Variants in SLC71A2 observed in about 807,000 individuals in gnomAD.
SLC71A2 encodes hippocampus abundant transcript-like 1.
chr9:94,416,540 T>A, the SLC71A2 span, among the ~76,000 whole-genome samples: 1 of 152,222 alleles, frequency 6.6e-6, no homozygotes, highest in African/African-American at 2.4e-5. Context: ...TTAAAGTTTT[T>A]AATTCTTCTG....
the SLC71A2 span, among the ~76,000 whole-genome samples, chr9:94,446,049 T>C: frequency 6.6e-6 from 1 of 152,186 alleles, no homozygotes; most frequent in Non-Finnish European, 1.5e-5. Flanking sequence ...TCAAAGCTCC[T>C]CTGTGAAGTA....
the SLC71A2 span, among the ~76,000 whole-genome samples, chr9:94,435,406 TC>T: frequency 6.6e-6 from 1 of 152,200 alleles, no homozygotes; most frequent in South Asian, 2.1e-4. Flanking sequence ...TCTTCACATA[TC>T]TCATCCATTC....
the SLC71A2 span, among the ~76,000 whole-genome samples, chr9:94,423,670 C>A: frequency 0.019 from 2,833 of 152,014 alleles, 73 homozygotes; most frequent in African/African-American, 0.065. Flanking sequence ...TAGATCATAA[C>A]TCTTATGAAA....
At chr9:94,378,140 G>A in the SLC71A2 span, among the ~76,000 whole-genome samples, 5 of 139,144 alleles carry the variant, frequency 3.6e-5, no homozygotes, top group East Asian at 2.2e-4. Context: ...AAAAAAAAAA[G>A]GAGGTGTATG....
the SLC71A2 span, among the ~76,000 whole-genome samples, chr9:94,456,614 CTT>C: frequency 1.4e-5 from 1 of 71,816 alleles, no homozygotes; most frequent in East Asian, 4.6e-4. Context: ...TACATCTTTT[CTT>C]CTTTAGTGTC....
At chr9:94,418,197 A>G in the SLC71A2 span, among the ~76,000 whole-genome samples, 4 of 152,200 alleles carry the variant, frequency 2.6e-5, no homozygotes, top group African/African-American at 9.6e-5. Flanking sequence ...TGTCTCATAC[A>G]TCTCTGAGGA....
At chr9:94,406,551 T>G in the SLC71A2 span, among the ~76,000 whole-genome samples, 1 of 152,166 alleles carries the variant, frequency 6.6e-6, no homozygotes, top group Non-Finnish European at 1.5e-5. Flanking sequence ...TTTTTGATTA[T>G]TAGTAGAGAC....
the SLC71A2 span, among the ~76,000 whole-genome samples, chr9:94,424,247 G>GT: frequency 6.6e-6 from 1 of 151,718 alleles, no homozygotes; most frequent in African/African-American, 2.4e-5. Context: ...TTTGGCGGAG[G>GT]GGGGAGCAAT....
chr9:94,389,004 G>A, the SLC71A2 span, among the ~76,000 whole-genome samples: 1 of 152,010 alleles, frequency 6.6e-6, no homozygotes. Context: ...CCTTTTGTGT[G>A]AGTTGATCCT....
chr9:94,437,067 GCAGTTTC>G, the SLC71A2 span, among the ~76,000 whole-genome samples: 1 of 147,928 alleles, frequency 6.8e-6, no homozygotes, highest in Non-Finnish European at 1.5e-5. Flanking sequence ...AGAATCACTA[GCAGTTTC>G]CAGGCTCCAA....
the SLC71A2 span, among the ~76,000 whole-genome samples, chr9:94,398,349 A>G: frequency 7.9e-5 from 12 of 151,528 alleles, 1 homozygote; most frequent in African/African-American, 2.9e-4. Flanking sequence ...AATGGGTTAC[A>G]GGGAGAATAC....
the SLC71A2 span, among the ~76,000 whole-genome samples, chr9:94,391,484 T>C: frequency 6.6e-6 from 1 of 151,542 alleles, no homozygotes; most frequent in African/African-American, 2.4e-5. Flanking sequence ...AAAAAATCAG[T>C]ACAGTACTAT....
At chr9:94,410,235 A>G in the SLC71A2 span, among the ~76,000 whole-genome samples, 1 of 151,592 alleles carries the variant, frequency 6.6e-6, no homozygotes, top group African/African-American at 2.4e-5. Flanking sequence ...AGGTGGTACT[A>G]CAGACACATG....
At chr9:94,404,501 G>A in the SLC71A2 span, among the ~76,000 whole-genome samples, 3 of 152,088 alleles carry the variant, frequency 2.0e-5, no homozygotes, top group South Asian at 6.2e-4. Context: ...TCACCATGTT[G>A]GCCAGGGTGG....
chr9:94,388,020 G>T, the SLC71A2 span, among the ~76,000 whole-genome samples: 1 of 152,164 alleles, frequency 6.6e-6, no homozygotes, highest in African/African-American at 2.4e-5. Flanking sequence ...GATCTTTGAA[G>T]TACTTAAGTA....
chr9:94,432,236 C>T, the SLC71A2 span, among the ~76,000 whole-genome samples: 3 of 152,156 alleles, frequency 2.0e-5, no homozygotes, highest in Admixed American at 2.0e-4. Context: ...CGCAGTGGCT[C>T]ACGCCTGTAA....
chr9:94,416,570 T>C, the SLC71A2 span, among the ~76,000 whole-genome samples: 9,272 of 152,222 alleles, frequency 0.061, 615 homozygotes, highest in East Asian at 0.24. Context: ...AAATACAGTT[T>C]GAGGCCTGGT....
At chr9:94,401,263 C>G in the SLC71A2 span, among the ~76,000 whole-genome samples, 6 of 152,060 alleles carry the variant, frequency 3.9e-5, no homozygotes, top group African/African-American at 1.4e-4. Context: ...CTCCGCCTTC[C>G]GATTTCAAGC....
chr9:94,444,945 A>T, the SLC71A2 span: 3 of 1,610,868 alleles, frequency 1.9e-6, no homozygotes, highest in Non-Finnish European at 2.5e-6. Flanking sequence ...ACCCTGGGTG[A>T]GAGTGTGCTT....
Sources: gnomAD v4.1 joint callset for allele counts (sites outside exome capture counted in the v4.1 genomes callset) on GRCh38, gnomAD v4.1.1 for gene constraint, MANE v1.5 for transcripts, NCBI Gene and HGNC (gene_info 2026-07-23, HGNC 2026-07-21) for gene names.